Variants in SUSD5 observed in about 807,000 individuals in gnomAD.
SUSD5 encodes sushi domain containing 5, also known as sushi domain-containing protein 5.
Under a neutral mutation model 29.5 loss-of-function variants are expected in SUSD5, and 33 were observed. The observed-to-expected ratio is 1.12, with a 90% confidence interval of 0.85 to 1.49. The LOEUF is 1.49. Ranked by LOEUF, SUSD5 falls within the 40% of genes most tolerant of loss-of-function variation. SUSD5 has a pLI of 0.00. For missense variants in SUSD5, 776 were observed against 800.6 expected (o/e 0.97, Z 0.37); for synonymous variants, 308 against 325.3 (o/e 0.95, Z 0.57).
chr3:33,208,196 AT>A (rs2032259184), intron 2 of SUSD5, among the ~76,000 whole-genome samples: 1 of 152,194 alleles, frequency 6.6e-6, no homozygotes, highest in African/African-American at 2.4e-5. Context: ...TTTTTATTTC[AT>A]AAAATTCTGC....
chr3:33,212,435 C>T (rs73828122), intron 2 of SUSD5, among the ~76,000 whole-genome samples: 2,541 of 152,230 alleles, frequency 0.017, 74 homozygotes, highest in African/African-American at 0.058. Flanking sequence ...AAAGATTTCT[C>T]CTAGCTGGCC....
chr3:33,218,616 C>G, intron 1 of SUSD5, 70 bp downstream of exon 1: 1 of 1,217,036 alleles, frequency 8.2e-7, no homozygotes, highest in Non-Finnish European at 1.0e-6. Flanking sequence ...GGAGCAGCCC[C>G]GGCGAGCTAC....
chr3:33,177,735 A>G (rs947810095), intron 3 of SUSD5, among the ~76,000 whole-genome samples: 2 of 152,180 alleles, frequency 1.3e-5, no homozygotes, highest in Non-Finnish European at 2.9e-5. Flanking sequence ...AAAGTGATTA[A>G]CTTTTGTACG....
intron 1 of SUSD5, among the ~76,000 whole-genome samples, chr3:33,214,447 T>C (rs1413623495): frequency 6.6e-6 from 1 of 151,938 alleles, no homozygotes; most frequent in Non-Finnish European, 1.5e-5. Flanking sequence ...CTTCCCTGAG[T>C]TAGGTCACTT....
chr3:33,208,163 T>G (rs1559457327), intron 2 of SUSD5, among the ~76,000 whole-genome samples: 3 of 152,212 alleles, frequency 2.0e-5, no homozygotes, highest in Admixed American at 2.0e-4. Context: ...AATATATTGT[T>G]GATCTCTTCT....
intron 3 of SUSD5, among the ~76,000 whole-genome samples, chr3:33,203,426 G>T (rs1401751913): frequency 2.0e-5 from 3 of 152,170 alleles, no homozygotes; most frequent in Non-Finnish European, 4.4e-5. Context: ...GCCCTGCAGG[G>T]CCAAGGCTCC....
In SUSD5 at chr3:33,160,902, C is replaced by A. The variant is rs144449691; in HGVS notation, c.599-6869G>T. 7.2e-5 allele frequency among the ~76,000 whole-genome samples: 11 copies of A among 152,148 alleles called. No individual in the cohort carries two copies. The East Asian group carries it at 2.1e-3, about 29-fold the overall frequency. The stretch of plus-strand genomic sequence containing the variant: ...CATACCAAATTAAAACTGCTAAAAA[C>A]CAAAGACAGAAGAACGTAAAAGCAA... On this transcript the variant is annotated intron_variant, in intron 4 of 4. Coordinates refer to ENST00000309558, the MANE Select transcript of SUSD5 (RefSeq NM_015551.2).
chr3:33,212,222 T>C (rs1263360689), intron 2 of SUSD5, among the ~76,000 whole-genome samples: 1 of 152,196 alleles, frequency 6.6e-6, no homozygotes, highest in Non-Finnish European at 1.5e-5. Flanking sequence ...GTACAATTAT[T>C]ATTTGTCAAT....
At position 33,180,120 on chromosome 3, in the gene SUSD5, C is replaced by T. The variant is rs142510917; in HGVS notation, c.410-5046G>A. On this transcript the variant is annotated intron_variant, in intron 3 of 4. Transcript: ENST00000309558. Reference sequence around the variant, plus strand: ...ACTTTAATCATTATTTTAGAGTGTACTACTACTTATTTTTAAAAAGTTAAC... The same window carrying T: ...ACTTTAATCATTATTTTAGAGTGTATTACTACTTATTTTTAAAAAGTTAAC... 1.8e-3 allele frequency among the ~76,000 whole-genome samples: 270 copies of T among 152,218 alleles called. 1 individual carries two copies. The highest frequency in any genetic ancestry group is 6.2e-3 in the African/African-American group (256 of 41,532).
chr3:33,177,394 G>A (rs2031574871), intron 3 of SUSD5, among the ~76,000 whole-genome samples: 1 of 152,102 alleles, frequency 6.6e-6, no homozygotes, highest in South Asian at 2.1e-4. Flanking sequence ...TTTCATCAGA[G>A]TTTTACAGTA....
rs527411574 is a variant in SUSD5 at position 33,207,950 on chromosome 3, G to C, written c.291-24C>G. On this transcript the variant is annotated intron_variant, in intron 2 of 4. Transcript: ENST00000309558. Reference sequence around the variant, plus strand: ...TTCTGAAATAGACAAAAAAGGCACTGAATGAGGAAAACTCTGGGTTGAAAA... The same window carrying C: ...TTCTGAAATAGACAAAAAAGGCACTCAATGAGGAAAACTCTGGGTTGAAAA... 18 of 1,561,944 alleles carry C rather than the reference G, an allele frequency of 1.2e-5. 1 individual carries two copies. The South Asian group carries it at 1.8e-4, about 16-fold the overall frequency.
At chr3:33,165,200 C>G (rs2031279608) in intron 4 of SUSD5, among the ~76,000 whole-genome samples, 1 of 152,144 alleles carries the variant, frequency 6.6e-6, no homozygotes, top group Admixed American at 6.5e-5. Flanking sequence ...AAAGAGTGAA[C>G]AGCTCACAGA....
intron 3 of SUSD5, among the ~76,000 whole-genome samples, chr3:33,196,559 C>T (rs1455564114): frequency 6.6e-6 from 1 of 152,220 alleles, no homozygotes; most frequent in African/African-American, 2.4e-5. Context: ...AAAAGAACTT[C>T]TGTAGAGAGC....
rs200554475 is a variant in SUSD5, at chr3:33,213,967, G to A, written c.251C>T (p.Ala84Val). ...TGCTAGCCAGCCAGTGGTGCACACC[G>A]CAAAGGAGCAATCCTGTACCACTCT... ...LRRVVQDCSFAVCTTGWLADG... is the reference protein window; with the variant it reads ...LRRVVQDCSFVVCTTGWLADG... Residue 84 changes from alanine to valine, a missense_variant, in exon 2 of 5, where the codon GCG (alanine) becomes GTG (valine). By Grantham distance (64) the Ala-to-Val change is moderately conservative. Transcript: ENST00000309558. The A allele has an allele frequency of 2.7e-5, 43 of 1,611,642 alleles. No homozygotes were observed. In the East Asian group the frequency reaches 4.0e-4, roughly 15 times the overall value.
intron 3 of SUSD5, among the ~76,000 whole-genome samples, chr3:33,184,213 T>C (rs909503563): frequency 2.0e-5 from 3 of 152,132 alleles, no homozygotes; most frequent in African/African-American, 7.2e-5. Flanking sequence ...GTGCTGGGAT[T>C]TAAGGCATAA....
rs370903223 is a variant in SUSD5 at position 33,153,871 on chromosome 3, G to A, written c.761C>T (p.Ser254Phe). The A allele has an allele frequency of 1.5e-5, 24 of 1,613,894 alleles. No individual in the cohort carries two copies. Among genetic ancestry groups the A allele is most frequent in the Non-Finnish European group, 1.8e-5 (21 of 1,179,900 alleles). Residue 254 changes from serine (S) to phenylalanine (F), a missense_variant, in exon 5 of 5, where the codon TCT (serine) becomes TTT (phenylalanine). Ser to Phe is a radical substitution (Grantham distance 155, BLOSUM62 -2). Coordinates refer to ENST00000309558, the MANE Select transcript of SUSD5 (RefSeq NM_015551.2). ...APKQDRLVSI[S>F]VGRENIARDK... is the part of the protein sequence containing the mutation. ...CCGGGCTATGTTTTCTCTCCCCACA[G>A]AAATGGAGACCAGACGGTCCTGTTT...
At chr3:33,196,047 C>T (rs6787590) in intron 3 of SUSD5, among the ~76,000 whole-genome samples, 110,448 of 152,100 alleles carry the variant, frequency 0.73, 40,291 homozygotes, top group East Asian at 0.83. Flanking sequence ...TGAAACTTAA[C>T]AAGGTCCTGA....
intron 4 of SUSD5, among the ~76,000 whole-genome samples, chr3:33,160,993 GAAAC>G (rs1483055167): frequency 6.6e-6 from 1 of 152,010 alleles, no homozygotes; most frequent in Admixed American, 6.6e-5. Context: ...CTTTTCAAAA[GAAAC>G]AATAAAAGCC....
chr3:33,155,008 C>G (rs1462920886), intron 4 of SUSD5, among the ~76,000 whole-genome samples: 3 of 152,172 alleles, frequency 2.0e-5, no homozygotes, highest in Non-Finnish European at 4.4e-5. Flanking sequence ...AAGACATATG[C>G]AAAACATTTC....
Sources: gnomAD v4.1 joint callset for allele counts (sites outside exome capture counted in the v4.1 genomes callset) on GRCh38, gnomAD v4.1.1 for gene constraint, MANE v1.5 for transcripts, NCBI Gene and HGNC (gene_info 2026-07-23, HGNC 2026-07-21) for gene names.